The following CDH8 variants were observed in gnomAD, a reference collection of about 807,000 sequenced individuals.
CDH8 encodes the protein cadherin 8.
A neutral mutation model predicts 68.1 loss-of-function variants in CDH8; 17 were observed. The observed-to-expected ratio is 0.25, with a 90% CI of 0.17 to 0.37. The LOEUF (loss-of-function observed/expected upper bound fraction) is 0.37. Among genes scored for constraint, CDH8 ranks in the 10% least tolerant of loss-of-function variants. The pLI is 1.00. For missense variants in CDH8, 763 were observed against 999.3 expected, an observed-to-expected ratio of 0.76 and a Z score of 3.19; for synonymous variants, 372 against 365.1, an observed-to-expected ratio of 1.02 and a Z score of -0.21.
At chr16:61,755,903 C>T (rs767244668) in intron 8 of CDH8, among the ~76,000 whole-genome samples, 12 of 152,008 alleles carry the variant, frequency 7.9e-5, no homozygotes, top group African/African-American at 2.2e-4. Context: ...TCACTACAAC[C>T]TCTGCCTCGC....
intron 2 of CDH8, among the ~76,000 whole-genome samples, chr16:61,928,937 C>G (rs1365988791): frequency 6.6e-6 from 1 of 152,078 alleles, no homozygotes; most frequent in Non-Finnish European, 1.5e-5. Flanking sequence ...GAGATGGAGT[C>G]TCGTTCAGTT....
At chr16:61,793,689 T>C (rs1201021265) in intron 7 of CDH8, among the ~76,000 whole-genome samples, 3 of 152,062 alleles carry the variant, frequency 2.0e-5, no homozygotes, top group African/African-American at 7.2e-5. Flanking sequence ...GTCTTTGGTA[T>C]TGTGAATAGT....
chr16:61,782,132 G>C (rs895526557), intron 8 of CDH8, among the ~76,000 whole-genome samples: 1 of 152,210 alleles, frequency 6.6e-6, no homozygotes, highest in Non-Finnish European at 1.5e-5. Context: ...CTCCCAGCGT[G>C]AGCGACGCAG....
chr16:61,921,204 T>C (rs1247358623), intron 2 of CDH8, among the ~76,000 whole-genome samples: 1 of 151,052 alleles, frequency 6.6e-6, no homozygotes, highest in African/African-American at 2.4e-5. Flanking sequence ...TGTATACATA[T>C]GTAACTAACC....
Position 61,713,914 on chromosome 16 carries a change from G to T in CDH8, c.1581C>A (p.Asn527Lys). ...GGAGACTGTATAAGAAATAATGTCC[G>T]TTTTTGGGATCATCTTTGTCCATGG... is the stretch of plus-strand genomic sequence containing the variant. ...VSAMDKDDPKNGHYFLYSLLP... is the reference protein window; with the variant it reads ...VSAMDKDDPKKGHYFLYSLLP... The change falls in exon 10 of 12, where the codon AAC (asparagine) becomes AAA (lysine). Residue 527 changes from asparagine to lysine, a missense_variant. Transcript: ENST00000577390. The T allele has an allele frequency of 1.2e-6, 2 of 1,609,334 alleles. No individual in the cohort carries two copies. The highest frequency in any genetic ancestry group is 2.2e-5 in the South Asian group (2 of 90,950).
intron 4 of CDH8, among the ~76,000 whole-genome samples, chr16:61,854,167 G>C (rs1453227026): frequency 6.6e-6 from 1 of 150,682 alleles, no homozygotes; most frequent in East Asian, 2.0e-4. Context: ...CACTGCAGAA[G>C]ACACAGAAGC....
At chr16:61,863,878 A>G (rs1314261346) in intron 3 of CDH8, among the ~76,000 whole-genome samples, 1 of 152,206 alleles carries the variant, frequency 6.6e-6, no homozygotes, top group Non-Finnish European at 1.5e-5. Context: ...TGTCTTACTT[A>G]AACATTCATG....
intron 2 of CDH8, among the ~76,000 whole-genome samples, chr16:61,998,645 AT>A (rs1161541150): frequency 4.6e-5 from 7 of 152,186 alleles, no homozygotes; most frequent in Non-Finnish European, 8.8e-5. Context: ...TATGTTTGGC[AT>A]TACTGAGAAT....
In CDH8 at chr16:61,653,304, A is replaced by G. The variant is rs1246890426; in HGVS notation, c.*304T>C. 2 of 1,191,214 alleles carry G rather than the reference A, an allele frequency of 1.7e-6. No homozygotes were observed. The highest frequency in any genetic ancestry group is 1.0e-6 in the Non-Finnish European group (1 of 964,324). The allele number at this position is 1,191,214 out of a possible 1,614,324, so 73.8% of individuals were successfully genotyped here. ...TATGATTTTTTCCTCTATTTAAACC[A>G]TTTATCTAAGGATTAGCCAGGATCC... On this transcript the variant is annotated 3_prime_UTR_variant, in exon 12 of 12. Transcript: ENST00000577390.
At chr16:61,985,439 C>G (rs1051476826) in intron 2 of CDH8, among the ~76,000 whole-genome samples, 3 of 152,174 alleles carry the variant, frequency 2.0e-5, no homozygotes, top group African/African-American at 7.2e-5. Context: ...ACAGAATGCA[C>G]TATTGGACAG....
At chr16:61,730,647 A>G (rs1043497045) in intron 8 of CDH8, among the ~76,000 whole-genome samples, 2 of 151,584 alleles carry the variant, frequency 1.3e-5, no homozygotes, top group African/African-American at 4.8e-5. Context: ...AGTGTACTAA[A>G]TTAATTTGTT....
chr16:61,703,135 G>GA (rs1377702514), intron 10 of CDH8, among the ~76,000 whole-genome samples: 6 of 152,132 alleles, frequency 3.9e-5, no homozygotes, highest in East Asian at 1.9e-4. Flanking sequence ...TCATATTTCT[G>GA]AAAAAACTAT....
At position 61,662,587 on chromosome 16, in the gene CDH8, T is replaced by C. The variant is rs1483713936; in HGVS notation, c.1655-6866A>G. Among the ~76,000 whole-genome samples the C allele has an allele frequency of 1.3e-5, 2 of 151,782 alleles. 1 individual carries two copies. Among genetic ancestry groups the C allele is most frequent in the Non-Finnish European group, 2.9e-5 (2 of 67,806 alleles). On this transcript the variant is annotated intron_variant, in intron 10 of 11. Coordinates refer to ENST00000577390, the MANE Select transcript of CDH8 (RefSeq NM_001796.5). ...AATTTAAGAAATGGGCCGATCAGTA[T>C]CAATTGCAATTCTCTAGTGGATAGA...
chr16:61,833,632 C>T (rs1237375137), intron 4 of CDH8, among the ~76,000 whole-genome samples: 1 of 151,852 alleles, frequency 6.6e-6, no homozygotes, highest in Non-Finnish European at 1.5e-5. Context: ...TGTCTCCAAA[C>T]ATTTTTTACT....
rs1963261107 is a variant in CDH8 at position 61,648,848 on chromosome 16, A to G, written c.*4760T>C. The G allele has an allele frequency of 6.6e-6, 1 of 151,986 alleles. No individual in the cohort carries two copies. Among genetic ancestry groups the G allele is most frequent in the South Asian group, 2.1e-4 (1 of 4,830 alleles). 9.4% of individuals were successfully genotyped at this position (151,986 alleles called of 1,614,324 possible). ...CCTCCATAACGCTAGGTCTGTGCTC[A>G]AAATACTAGGACTAGAATATCTTCA... On this transcript the variant is annotated 3_prime_UTR_variant, in exon 12 of 12. Coordinates refer to ENST00000577390, the MANE Select transcript of CDH8 (RefSeq NM_001796.5).
At chr16:61,943,035 C>T (rs1267401729) in intron 2 of CDH8, among the ~76,000 whole-genome samples, 1 of 152,114 alleles carries the variant, frequency 6.6e-6, no homozygotes, top group Non-Finnish European at 1.5e-5. Context: ...ACCATCTTGC[C>T]TGGACAAAAG....
chr16:61,949,156 A>T (rs939204696), intron 2 of CDH8, among the ~76,000 whole-genome samples: 3 of 152,220 alleles, frequency 2.0e-5, no homozygotes, highest in Non-Finnish European at 4.4e-5. Context: ...GACTAAAGAC[A>T]TGGGTATCAG....
intron 2 of CDH8, among the ~76,000 whole-genome samples, chr16:61,906,676 G>A (rs1964068395): frequency 6.6e-6 from 1 of 152,088 alleles, no homozygotes; most frequent in Non-Finnish European, 1.5e-5. Context: ...CATATTGTTG[G>A]AAGCCCAGTA....
chr16:61,933,230 T>C (rs190956489), intron 2 of CDH8, among the ~76,000 whole-genome samples: 146 of 152,320 alleles, frequency 9.6e-4, no homozygotes, highest in Admixed American at 2.6e-3. Flanking sequence ...AGAGAATCAA[T>C]ATTATTCGAA....
Sources: allele counts gnomAD v4.1 joint callset (sites outside exome capture counted in the v4.1 genomes callset), GRCh38; gene constraint gnomAD v4.1.1; transcripts MANE v1.5; gene names NCBI Gene and HGNC (gene_info 2026-07-23, HGNC 2026-07-21).